The following LPGAT1 variants were observed in gnomAD, a reference collection of about 807,000 sequenced individuals.
LPGAT1 encodes the protein lysophosphatidylglycerol acyltransferase 1, also known as acyl-CoA:lysophosphatidylglycerol acyltransferase 1.
In LPGAT1, 11 loss-of-function variants were observed where a neutral mutation model predicts 47.5. The ratio of observed to expected loss-of-function variants is 0.23; its 90% CI spans 0.15 to 0.38. The LOEUF (loss-of-function observed/expected upper bound fraction) is 0.38, where lower values mean the gene tolerates loss of function less well. Ranked by LOEUF, LPGAT1 falls within the 10% of genes least tolerant of loss-of-function variation. LPGAT1 has a pLI of 1.00. For missense variants in LPGAT1, 293 were observed against 439.0 expected (o/e 0.67, Z 2.97); for synonymous variants, 138 against 144.2 (o/e 0.96, Z 0.31).
At chr1:211,797,788 G>A (rs896468768) in intron 2 of LPGAT1, among the ~76,000 whole-genome samples, 1 of 152,084 alleles carries the variant, frequency 6.6e-6, no homozygotes, top group South Asian at 2.1e-4. Context: ...ATTCTAACAC[G>A]CTGCTCTATG....
chr1:211,802,428 T>A (rs1022253063), intron 2 of LPGAT1, among the ~76,000 whole-genome samples: 1 of 151,534 alleles, frequency 6.6e-6, no homozygotes, highest in Admixed American at 6.6e-5. Flanking sequence ...ACAGAGGCAT[T>A]ACACAAAAAA....
chr1:211,814,763 G>A (rs1324751470), intron 2 of LPGAT1, among the ~76,000 whole-genome samples: 1 of 152,104 alleles, frequency 6.6e-6, no homozygotes, highest in East Asian at 1.9e-4. Flanking sequence ...CCAAACTTCT[G>A]GAAAATCATA....
chr1:211,785,094 C>T (rs374730447), intron 4 of LPGAT1, among the ~76,000 whole-genome samples: 6 of 152,150 alleles, frequency 3.9e-5, no homozygotes, highest in South Asian at 4.1e-4. Flanking sequence ...TGAGCCACTG[C>T]GCCCAGCCGG....
At chr1:211,805,588 A>C (rs1558277785) in intron 2 of LPGAT1, among the ~76,000 whole-genome samples, 1 of 152,200 alleles carries the variant, frequency 6.6e-6, no homozygotes, top group Non-Finnish European at 1.5e-5. Flanking sequence ...GAAAACCACA[A>C]ATTACTATCA....
At chr1:211,778,884 G>A (rs767551556) in intron 6 of LPGAT1, 34 bp downstream of exon 6, 1 of 1,484,378 alleles carries the variant, frequency 6.7e-7, no homozygotes, top group Non-Finnish European at 9.0e-7. Context: ...TAGTATTGTT[G>A]GATATATACT....
chr1:211,762,828 A>G (rs1160125654), intron 6 of LPGAT1, among the ~76,000 whole-genome samples: 1 of 152,206 alleles, frequency 6.6e-6, no homozygotes, highest in African/African-American at 2.4e-5. Context: ...GGCACCCCCT[A>G]TACTGGAGTT....
rs1571753315 is a variant in LPGAT1, at chr1:211,807,285, C to T, written c.239-14095G>A. On this transcript the variant is annotated intron_variant, in intron 2 of 7. Transcript: ENST00000366997. ...ATCAAAAAAGCTCAAAATGAAGAGA[C>T]ATACTATGGTTATGGATTAAAAGAC... Among the ~76,000 whole-genome samples, 3 of 151,766 alleles carry T rather than the reference C, an allele frequency of 2.0e-5. No individual in the cohort carries two copies. The Middle Eastern group carries it at 0.01, about 516-fold the overall frequency.
chr1:211,789,965 A>T (rs1022674562), intron 3 of LPGAT1, among the ~76,000 whole-genome samples: 11 of 152,106 alleles, frequency 7.2e-5, no homozygotes, highest in Non-Finnish European at 1.5e-4. Context: ...AAGCTGCCTA[A>T]ATCAACTCTG....
At chr1:211,776,460 C>G (rs986964321) in intron 6 of LPGAT1, among the ~76,000 whole-genome samples, 2 of 152,030 alleles carry the variant, frequency 1.3e-5, no homozygotes, top group African/African-American at 4.8e-5. Flanking sequence ...TTGCTTGAAC[C>G]CAGGAGGTGG....
chr1:211,829,888 A>T, intron 1 of LPGAT1: 1 of 985,326 alleles, frequency 1.0e-6, no homozygotes, highest in Non-Finnish European at 1.2e-6. Flanking sequence ...TTAAGAAAAA[A>T]AATGGGGGGC....
intron 2 of LPGAT1, among the ~76,000 whole-genome samples, chr1:211,797,126 T>G (rs1659382147): frequency 6.6e-6 from 1 of 152,046 alleles, no homozygotes; most frequent in African/African-American, 2.4e-5. Flanking sequence ...TGTGGTGGCA[T>G]ATGTCCGCAA....
At chr1:211,827,203 A>C (rs1028425393) in intron 2 of LPGAT1, among the ~76,000 whole-genome samples, 10 of 152,230 alleles carry the variant, frequency 6.6e-5, no homozygotes, top group African/African-American at 2.4e-4. Context: ...AATTGTCAAA[A>C]TTCAGTAGCC....
chr1:211,773,750 C>T (rs1658274073), intron 6 of LPGAT1, among the ~76,000 whole-genome samples: 1 of 152,108 alleles, frequency 6.6e-6, no homozygotes, highest in Admixed American at 6.5e-5. Context: ...TGCACTGTGC[C>T]CACTACTTGC....
chr1:211,751,347 A>G (rs951039254), intron 6 of LPGAT1, among the ~76,000 whole-genome samples: 6 of 152,244 alleles, frequency 3.9e-5, no homozygotes, highest in African/African-American at 1.4e-4. Flanking sequence ...ATATCTATGA[A>G]TAACTACAGA....
chr1:211,769,251 T>C (rs1011164447), intron 6 of LPGAT1, among the ~76,000 whole-genome samples: 1 of 152,106 alleles, frequency 6.6e-6, no homozygotes, highest in Non-Finnish European at 1.5e-5. Context: ...AGGGGATATG[T>C]ATTTAAATTT....
chr1:211,829,183 G>A lies in LPGAT1; in HGVS notation c.114C>T (p.Cys38=), dbSNP rs978344579. The A allele has an allele frequency of 1.9e-6, 3 of 1,614,144 alleles. No individual in the cohort carries two copies. Among genetic ancestry groups the A allele is most frequent in the African/African-American group, 2.7e-5 (2 of 75,020 alleles). ...NNLVAIPSYI[C]YVIILQPLRV... ...GAAGGGGCTGAAGTATAATTACATAGCAGATGTAGGATGGAATAGCAACCA... is the reference window on the plus strand; with the variant it reads ...GAAGGGGCTGAAGTATAATTACATAACAGATGTAGGATGGAATAGCAACCA... The change falls in exon 2 of 8, where the codon TGC becomes TGT. Residue 38 remains cysteine, a synonymous_variant. Coordinates refer to ENST00000366997, the MANE Select transcript of LPGAT1 (RefSeq NM_014873.3).
chr1:211,827,581 GTATAC>G (rs1234115073), intron 2 of LPGAT1, among the ~76,000 whole-genome samples: 24 of 152,140 alleles, frequency 1.6e-4, no homozygotes, highest in Admixed American at 1.5e-3. Flanking sequence ...GCAAACTTAA[GTATAC>G]TATACAAGAA....
intron 2 of LPGAT1, among the ~76,000 whole-genome samples, chr1:211,807,611 G>T (rs1047585801): frequency 6.6e-6 from 1 of 152,072 alleles, no homozygotes; most frequent in African/African-American, 2.4e-5. Context: ...ACGTAAGTAT[G>T]GTCAAATGAT....
Position 211,749,143 on chromosome 1 carries a change from A to G in LPGAT1, c.*756T>C, listed in dbSNP as rs1006441639. The G allele has an allele frequency of 1.3e-5, 2 of 152,772 alleles. No individual in the cohort carries two copies. Among genetic ancestry groups the G allele is most frequent in the East Asian group, 3.9e-4 (2 of 5,192 alleles). 9.5% of individuals were successfully genotyped at this position (152,772 alleles called of 1,614,324 possible). A position where few individuals can be genotyped will look rare whatever the true frequency, so the allele number is the denominator to read the frequency against. On this transcript the variant is annotated 3_prime_UTR_variant, in exon 8 of 8. Transcript: ENST00000366997. Reference sequence around the variant, plus strand: ...CATTTGTTTTCAGGCTATATTACTAATCCTTTGCTATATCTGCATCTCAAA... The same window carrying G: ...CATTTGTTTTCAGGCTATATTACTAGTCCTTTGCTATATCTGCATCTCAAA...
Sources: allele counts gnomAD v4.1 joint callset (sites outside exome capture counted in the v4.1 genomes callset), GRCh38; gene constraint gnomAD v4.1.1; transcripts MANE v1.5; gene names NCBI Gene and HGNC (gene_info 2026-07-23, HGNC 2026-07-21).